Variants in ETV1 observed in about 807,000 individuals in gnomAD.
The protein encoded by ETV1 is ETS translocation variant 1.
ETV1 carries 27 observed loss-of-function variants against 62.3 expected under a neutral mutation model. That is an observed-to-expected ratio of 0.43 (90% CI 0.32 to 0.60). ETV1 has a LOEUF of 0.60. Ranked by LOEUF, ETV1 falls within the 20% of genes least tolerant of loss-of-function variation. The probability of loss-of-function intolerance (pLI) is 0.06; values close to 1 mark genes in which losing one functional copy is unlikely to be tolerated. For missense variants in ETV1, 605 were observed against 605.8 expected (o/e 1.00, Z 0.01); for synonymous variants, 222 against 199.6 (o/e 1.11, Z -0.94).
chr7:13,933,175 T>A (rs1405293316), intron 8 of ETV1, among the ~76,000 whole-genome samples: 4 of 152,174 alleles, frequency 2.6e-5, no homozygotes, highest in Non-Finnish European at 4.4e-5. Context: ...TGTGAAGCCT[T>A]AAAAGGAAGT....
At chr7:13,908,230 A>C (rs2128416448) in intron 11 of ETV1, among the ~76,000 whole-genome samples, 1 of 152,282 alleles carries the variant, frequency 6.6e-6, no homozygotes, top group East Asian at 1.9e-4. Context: ...ATTGAAGAGT[A>C]TTTAAAAGTC....
chr7:13,969,741 A>G (rs1442565037), intron 6 of ETV1, among the ~76,000 whole-genome samples: 1 of 152,182 alleles, frequency 6.6e-6, no homozygotes, highest in Admixed American at 6.5e-5. Flanking sequence ...ACCGGCATTA[A>G]AGTAATTAAA....
Position 13,896,107 on chromosome 7 carries a change from GA to G in ETV1, c.1213-21del, listed in dbSNP as rs762023502. 164 of 1,596,182 alleles carry G rather than the reference GA, an allele frequency of 1.0e-4. No homozygotes were observed. Among genetic ancestry groups the G allele is most frequent in the Non-Finnish European group, 1.3e-4 (153 of 1,167,062 alleles). ...AGCCACCTGATGATAACATGGAAGA[GA>G]AAAACCCATCCTCACCATCGCCAGA... On this transcript the variant is annotated intron_variant, in intron 13 of 13. Coordinates refer to ENST00000430479, the MANE Select transcript of ETV1 (RefSeq NM_004956.5).
At chr7:13,904,726 T>A (rs1344707748) in intron 12 of ETV1, among the ~76,000 whole-genome samples, 2 of 151,942 alleles carry the variant, frequency 1.3e-5, no homozygotes, top group Non-Finnish European at 2.9e-5. Context: ...ATGAACCAAC[T>A]CTTGCAGTGA....
At chr7:13,939,051 T>C (rs1787154927) in intron 7 of ETV1, 66 bp downstream of exon 7, 1 of 1,482,616 alleles carries the variant, frequency 6.7e-7, no homozygotes, top group Non-Finnish European at 9.2e-7. Flanking sequence ...TGAGATTTCA[T>C]ATTATTCTGG....
At chr7:13,925,055 C>A (rs1414085777) in intron 9 of ETV1, among the ~76,000 whole-genome samples, 2 of 152,138 alleles carry the variant, frequency 1.3e-5, no homozygotes, top group Non-Finnish European at 2.9e-5. Flanking sequence ...TGAGTTCTCA[C>A]CTCTACCCTC....
chr7:13,948,697 A>C (rs115615565), intron 6 of ETV1, among the ~76,000 whole-genome samples: 1,610 of 152,290 alleles, frequency 0.011, 32 homozygotes, highest in African/African-American at 0.036. Flanking sequence ...AAAGCGTGAA[A>C]TATTTACTAT....
chr7:13,924,929 G>A (rs1785234808), intron 9 of ETV1, among the ~76,000 whole-genome samples: 1 of 148,726 alleles, frequency 6.7e-6, no homozygotes. Context: ...AACATTTGCT[G>A]TCAAAGAGTT....
At chr7:13,965,873 G>T (rs900140001) in intron 6 of ETV1, among the ~76,000 whole-genome samples, 6 of 152,094 alleles carry the variant, frequency 3.9e-5, no homozygotes, top group Admixed American at 3.9e-4. Context: ...CAAGCCACCT[G>T]TGCATGAATA....
intron 5 of ETV1, chr7:13,986,221 A>G (rs772572294): frequency 1.3e-6 from 2 of 1,560,990 alleles, no homozygotes. Flanking sequence ...CCATCAGAAA[A>G]GTCCTCCACC....
At chr7:13,977,124 T>A (rs972974042) in intron 6 of ETV1, among the ~76,000 whole-genome samples, 46 of 152,334 alleles carry the variant, frequency 3.0e-4, no homozygotes, top group African/African-American at 1.1e-3. Context: ...ATGGATCACA[T>A]GCTATTTCCT....
chr7:13,965,620 G>A (rs1210285933), intron 6 of ETV1, among the ~76,000 whole-genome samples: 2 of 152,012 alleles, frequency 1.3e-5, no homozygotes, highest in East Asian at 3.9e-4. Context: ...TTATGCCCTG[G>A]GTTTCTCTTC....
intron 3 of ETV1, 114 bp downstream of exon 3, chr7:13,988,894 C>T: frequency 1.3e-6 from 2 of 1,540,876 alleles, no homozygotes; most frequent in Non-Finnish European, 1.8e-6. Context: ...GGCAACAAAG[C>T]AGATAAGTAT....
chr7:13,899,323 T>A (rs1782170347), intron 13 of ETV1, among the ~76,000 whole-genome samples: 1 of 152,210 alleles, frequency 6.6e-6, no homozygotes, highest in African/African-American at 2.4e-5. Context: ...GGTAGTAAAC[T>A]GTTATACATT....
At position 13,988,141 on chromosome 7, in the gene ETV1, T is replaced by G; in HGVS notation, c.78A>C (p.Pro26=). 1 of 1,612,658 alleles carries G rather than the reference T, an allele frequency of 6.2e-7. No individual in the cohort carries two copies. The highest frequency in any genetic ancestry group is 8.5e-7 in the Non-Finnish European group (1 of 1,178,752). ...TGAATTTTCTTTTCCTGACATTTGT[T>G]GGTTTCTCGTTACAATTTCTCCCAC... is the stretch of plus-strand genomic sequence containing the variant. ...SQRGRNCNEK[P]TNVRKRKFIN... is the part of the protein sequence containing the mutation. The change falls in exon 4 of 14, where the codon CCA becomes CCC. Residue 26 remains proline (P), a synonymous_variant. Transcript: ENST00000430479.
chr7:13,897,414 T>C (rs766113319), intron 13 of ETV1, among the ~76,000 whole-genome samples: 89 of 152,210 alleles, frequency 5.8e-4, no homozygotes, highest in Non-Finnish European at 1.0e-3. Flanking sequence ...TAGAACATTT[T>C]TTGTTTCTTT....
chr7:13,984,173 T>G (rs1245503858), intron 5 of ETV1, among the ~76,000 whole-genome samples: 1 of 152,020 alleles, frequency 6.6e-6, no homozygotes. Flanking sequence ...AGTGGAATTC[T>G]AACTCATGCG....
chr7:13,938,080 G>C (rs776775055), intron 7 of ETV1, among the ~76,000 whole-genome samples: 1 of 152,102 alleles, frequency 6.6e-6, no homozygotes, highest in African/African-American at 2.4e-5. Context: ...GTAGTAGCTG[G>C]GATTACAGGC....
chr7:13,990,566 T>G (rs567360467), upstream of ETV1: 1 of 152,398 alleles, frequency 6.6e-6, no homozygotes, highest in Non-Finnish European at 1.5e-5. Context: ...ACTTGACGCT[T>G]TCACTTCCTC....
Sources: allele counts gnomAD v4.1 joint callset (sites outside exome capture counted in the v4.1 genomes callset), GRCh38; gene constraint gnomAD v4.1.1; transcripts MANE v1.5; gene names NCBI Gene and HGNC (gene_info 2026-07-23, HGNC 2026-07-21).